The following LRRC4C variants were observed in gnomAD, a reference collection of about 807,000 sequenced individuals.
LRRC4C encodes leucine-rich repeat-containing protein 4C.
In LRRC4C, 5 loss-of-function variants were observed where a neutral mutation model predicts 33.6. The observed-to-expected ratio is 0.15, with a 90% CI of 0.08 to 0.31. The LOEUF is 0.31. Ranked by LOEUF, LRRC4C falls within the 10% of genes least tolerant of loss-of-function variation. LRRC4C has a pLI of 1.00. For missense variants in LRRC4C, 560 were observed against 796.7 expected (o/e 0.70, Z 3.58); for synonymous variants, 329 against 302.0 (o/e 1.09, Z -0.93).
At chr11:40,451,624 G>T (rs944943321) in intron 3 of LRRC4C, among the ~76,000 whole-genome samples, 3 of 151,574 alleles carry the variant, frequency 2.0e-5, no homozygotes, top group Non-Finnish European at 4.4e-5. Flanking sequence ...TGACCTCATG[G>T]TCCACCCGCC....
intron 1 of LRRC4C, among the ~76,000 whole-genome samples, chr11:41,366,178 CTAGATAGATAGATAGATAGACAGATAGA>C (rs1367068950): frequency 4.9e-5 from 7 of 142,240 alleles, no homozygotes; most frequent in African/African-American, 1.4e-4. Flanking sequence ...GTTTATATAT[CTAGATAGATAGATAGATAGACAGATAGA>C]TAGATAGATA....
intron 4 of LRRC4C, among the ~76,000 whole-genome samples, chr11:40,243,944 C>A (rs1198060254): frequency 6.6e-6 from 1 of 151,436 alleles, no homozygotes; most frequent in East Asian, 1.9e-4. Flanking sequence ...AAGTGATCCA[C>A]CTGCCTCAGC....
intron 1 of LRRC4C, among the ~76,000 whole-genome samples, chr11:41,198,634 G>C (rs931417647): frequency 1.3e-5 from 2 of 150,356 alleles, no homozygotes; most frequent in Non-Finnish European, 3.0e-5. Flanking sequence ...GGAAAAAAAA[G>C]TATGGAGGGA....
chr11:40,579,060 G>A (rs547718648), intron 3 of LRRC4C, among the ~76,000 whole-genome samples: 6 of 152,250 alleles, frequency 3.9e-5, no homozygotes, highest in Non-Finnish European at 5.9e-5. Context: ...TAAGTCGGCC[G>A]GGCGATGTGG....
intron 3 of LRRC4C, among the ~76,000 whole-genome samples, chr11:40,324,096 G>A (rs1945982890): frequency 6.6e-6 from 1 of 152,202 alleles, no homozygotes; most frequent in Non-Finnish European, 1.5e-5. Context: ...TGTTTAGTGT[G>A]TAGGTACACA....
chr11:41,173,596 A>G (rs1361797375), intron 1 of LRRC4C, among the ~76,000 whole-genome samples: 2 of 152,080 alleles, frequency 1.3e-5, no homozygotes, highest in African/African-American at 4.8e-5. Context: ...TTATCCTTCA[A>G]AATCCAAGTC....
At chr11:41,013,865 G>A (rs1855390059) in intron 1 of LRRC4C, among the ~76,000 whole-genome samples, 1 of 152,190 alleles carries the variant, frequency 6.6e-6, no homozygotes, top group Non-Finnish European at 1.5e-5. Context: ...AAGGTGAAGG[G>A]GAAGCAGGCC....
At chr11:40,306,212 A>G (rs1274549799) in intron 4 of LRRC4C, among the ~76,000 whole-genome samples, 7 of 152,208 alleles carry the variant, frequency 4.6e-5, no homozygotes, top group African/African-American at 1.4e-4. Flanking sequence ...TATCTTTCCT[A>G]TAAAGATTTA....
At chr11:40,914,013 C>A (rs992676184) in intron 2 of LRRC4C, among the ~76,000 whole-genome samples, 1 of 152,068 alleles carries the variant, frequency 6.6e-6, no homozygotes, top group Non-Finnish European at 1.5e-5. Flanking sequence ...AGCTGACTAT[C>A]TGATTGACCA....
chr11:40,617,619 T>G (rs1961992603), intron 3 of LRRC4C, among the ~76,000 whole-genome samples: 1 of 151,736 alleles, frequency 6.6e-6, no homozygotes, highest in South Asian at 2.1e-4. Flanking sequence ...ACTTCTCTCC[T>G]CATCAGATTT....
In LRRC4C at chr11:40,605,402, T is replaced by C. The variant is rs556705804; in HGVS notation, c.-270+42740A>G. Among the ~76,000 whole-genome samples, 8 of 152,276 alleles carry C rather than the reference T, an allele frequency of 5.3e-5. No individual in the cohort carries two copies. The South Asian group carries it at 1.5e-3, about 28-fold the overall frequency. The stretch of plus-strand genomic sequence containing the variant: ...AAGTCCCAGACAGTTTTTCCCTACA[T>C]AGAGGCAATGATTCAACAATACATG... On this transcript the variant is annotated intron_variant, in intron 3 of 6. Transcript: ENST00000528697.
intron 1 of LRRC4C, among the ~76,000 whole-genome samples, chr11:41,092,768 G>C (rs910820039): frequency 2.0e-5 from 3 of 152,208 alleles, no homozygotes; most frequent in Non-Finnish European, 2.9e-5. Context: ...TAAAGAGACT[G>C]AGCATCCAGA....
chr11:40,488,038 G>C (rs1375101998), intron 3 of LRRC4C, among the ~76,000 whole-genome samples: 1 of 152,010 alleles, frequency 6.6e-6, no homozygotes, highest in South Asian at 2.1e-4. Context: ...TAGTCACATA[G>C]CAAGTAAATA....
rs1227746391 is a variant in LRRC4C, at chr11:41,129,717, C to T, written c.-495-195994G>A. Among the ~76,000 whole-genome samples the T allele has an allele frequency of 2.6e-5, 4 of 151,916 alleles. No homozygotes were observed. In the East Asian group the frequency reaches 5.8e-4, roughly 22 times the overall value. ...TTAGAATTCCACATTTACTGCTTCC[C>T]GTTTGTGACCACAGACTAGCTCCTT... On this transcript the variant is annotated intron_variant, in intron 1 of 6. Transcript: ENST00000528697.
At chr11:40,211,053 A>G (rs1181050453) in intron 5 of LRRC4C, among the ~76,000 whole-genome samples, 1 of 152,184 alleles carries the variant, frequency 6.6e-6, no homozygotes, top group Non-Finnish European at 1.5e-5. Context: ...CTAGGATCAC[A>G]GGCCTGAGCA....
chr11:40,821,938 G>A (rs1371097691), intron 2 of LRRC4C, among the ~76,000 whole-genome samples: 1 of 151,722 alleles, frequency 6.6e-6, no homozygotes, highest in Non-Finnish European at 1.5e-5. Context: ...GAGACATGCA[G>A]ATAATGCATA....
intron 1 of LRRC4C, among the ~76,000 whole-genome samples, chr11:41,237,454 C>T (rs781636372): frequency 3.9e-5 from 6 of 152,120 alleles, no homozygotes; most frequent in African/African-American, 7.2e-5. Context: ...CTCTCAAATA[C>T]GGAAAGCGAG....
In LRRC4C at chr11:41,158,769, G is replaced by A. The variant is rs191632949; in HGVS notation, c.-495-225046C>T. Reference sequence around the variant, plus strand: ...AATAGACAATCTACAATTATCAAATGTTTGAAAACAACAGCACCATGAAAC... The same window carrying A: ...AATAGACAATCTACAATTATCAAATATTTGAAAACAACAGCACCATGAAAC... On this transcript the variant is annotated intron_variant, in intron 1 of 6. Transcript: ENST00000528697. Among the ~76,000 whole-genome samples, 254 of 152,136 alleles carry A rather than the reference G, an allele frequency of 1.7e-3. 2 individuals carry two copies. The highest frequency in any genetic ancestry group is 5.9e-3 in the African/African-American group (244 of 41,500).
intron 3 of LRRC4C, among the ~76,000 whole-genome samples, chr11:40,444,068 A>G (rs1951515957): frequency 6.6e-6 from 1 of 152,222 alleles, no homozygotes; most frequent in Non-Finnish European, 1.5e-5. Flanking sequence ...AGGGGATAAA[A>G]GGATGAATAA....
Sources: gnomAD v4.1 joint callset for allele counts (sites outside exome capture counted in the v4.1 genomes callset) on GRCh38, gnomAD v4.1.1 for gene constraint, MANE v1.5 for transcripts, NCBI Gene and HGNC (gene_info 2026-07-23, HGNC 2026-07-21) for gene names.